The following ALK variants were observed in gnomAD, a reference collection of about 807,000 sequenced individuals.
The protein encoded by ALK is ALK receptor tyrosine kinase.
Under a neutral mutation model 163.1 loss-of-function variants are expected in ALK, and 74 were observed. The ratio of observed to expected loss-of-function variants is 0.45; its 90% CI spans 0.38 to 0.55. ALK has a LOEUF of 0.55. Ranked by LOEUF, ALK falls within the 20% of genes least tolerant of loss-of-function variation. The pLI is 0.00. For missense variants in ALK, 2,063 were observed against 2,105.3 expected (o/e 0.98, Z 0.39); for synonymous variants, 960 against 843.2 (o/e 1.14, Z -2.40).
intron 1 of ALK, among the ~76,000 whole-genome samples, chr2:29,889,026 T>C (rs1031823742): frequency 1.1e-4 from 16 of 152,186 alleles, no homozygotes; most frequent in African/African-American, 3.9e-4. Context: ...TGTGGGAGCA[T>C]CTCTGTCTCC....
chr2:29,829,596 T>C (rs1442644454), intron 1 of ALK, among the ~76,000 whole-genome samples: 3 of 152,364 alleles, frequency 2.0e-5, no homozygotes, highest in East Asian at 1.9e-4. Flanking sequence ...AATCAGACTA[T>C]AGGTCTGCAT....
intron 3 of ALK, among the ~76,000 whole-genome samples, chr2:29,601,242 G>T (rs1290066830): frequency 6.6e-6 from 1 of 152,142 alleles, no homozygotes; most frequent in Admixed American, 6.5e-5. Flanking sequence ...CCCTAGACAG[G>T]TTCTAATACT....
At chr2:29,317,572 C>T (rs969420025) in intron 8 of ALK, among the ~76,000 whole-genome samples, 1 of 152,210 alleles carries the variant, frequency 6.6e-6, no homozygotes, top group East Asian at 1.9e-4. Flanking sequence ...TCTATTTAAT[C>T]CTCACTCTTC....
At chr2:29,341,499 T>C (rs1667790130) in intron 5 of ALK, among the ~76,000 whole-genome samples, 1 of 152,208 alleles carries the variant, frequency 6.6e-6, no homozygotes, top group Non-Finnish European at 1.5e-5. Context: ...CCTGTAGTAT[T>C]AGCTACTTGG....
intron 6 of ALK, among the ~76,000 whole-genome samples, chr2:29,322,679 C>T (rs1452919437): frequency 6.6e-6 from 1 of 152,154 alleles, no homozygotes; most frequent in Non-Finnish European, 1.5e-5. Flanking sequence ...ACTAAAAATA[C>T]AGAAATTAGC....
intron 1 of ALK, among the ~76,000 whole-genome samples, chr2:29,724,537 C>A (rs1679512809): frequency 6.6e-6 from 1 of 152,110 alleles, no homozygotes; most frequent in Admixed American, 6.5e-5. Context: ...TACATGACTC[C>A]TAGAGTTAGC....
intron 3 of ALK, among the ~76,000 whole-genome samples, chr2:29,660,075 C>A (rs550686226): frequency 6.6e-6 from 1 of 152,292 alleles, no homozygotes; most frequent in South Asian, 2.1e-4. Flanking sequence ...TGGAAGGAAG[C>A]CTTGTCCTTT....
intron 4 of ALK, among the ~76,000 whole-genome samples, chr2:29,493,905 TGAA>T (rs534128020): frequency 7.2e-5 from 11 of 152,210 alleles, no homozygotes; most frequent in African/African-American, 1.9e-4. Context: ...TCAAGCACAA[TGAA>T]GGAGAAGGCT....
chr2:29,630,456 G>C (rs962256034), intron 3 of ALK, among the ~76,000 whole-genome samples: 1 of 152,014 alleles, frequency 6.6e-6, no homozygotes, highest in African/African-American at 2.4e-5. Flanking sequence ...TGGTAGCCTA[G>C]GGACTTTTGA....
intron 1 of ALK, among the ~76,000 whole-genome samples, chr2:29,917,702 A>C (rs1667869677): frequency 6.6e-6 from 1 of 152,230 alleles, no homozygotes; most frequent in African/African-American, 2.4e-5. Context: ...GGCTGTTCCA[A>C]GTATGATCAC....
intron 1 of ALK, among the ~76,000 whole-genome samples, chr2:29,750,101 G>A (rs1325495764): frequency 6.6e-6 from 1 of 152,244 alleles, no homozygotes; most frequent in Admixed American, 6.5e-5. Flanking sequence ...GGGCATGATT[G>A]CATGGGACTC....
intron 8 of ALK, among the ~76,000 whole-genome samples, chr2:29,300,769 C>T (rs1352650168): frequency 6.6e-6 from 1 of 152,098 alleles, no homozygotes; most frequent in Non-Finnish European, 1.5e-5. Context: ...CCCTGAAATC[C>T]TTTCTGTGTC....
chr2:29,226,913 C>A lies in ALK; in HGVS notation c.3067+9G>T, dbSNP rs1664016363. 3 of 1,614,066 alleles carry A rather than the reference C, an allele frequency of 1.9e-6. No individual in the cohort carries two copies. The highest frequency in any genetic ancestry group is 2.5e-6 in the Non-Finnish European group (3 of 1,180,036). On this transcript the variant is annotated intron_variant, in intron 18 of 28. Coordinates refer to ENST00000389048, the MANE Select transcript of ALK (RefSeq NM_004304.5). The stretch of plus-strand genomic sequence containing the variant: ...GGCCCCTCTGCCTCCCCTGGCCCTG[C>A]CCCCTTACCAATGCAGGAGACGCCA...
chr2:29,492,346 C>T (rs12465577), intron 4 of ALK, among the ~76,000 whole-genome samples: 99,352 of 151,984 alleles, frequency 0.65, 33,666 homozygotes, highest in South Asian at 0.78. Context: ...GAGCTAGCCA[C>T]TGGGGATGCA....
At chr2:29,885,899 CA>C (rs1229087893) in intron 1 of ALK, among the ~76,000 whole-genome samples, 1 of 152,072 alleles carries the variant, frequency 6.6e-6, no homozygotes, top group Non-Finnish European at 1.5e-5. Context: ...AATGAGAAAG[CA>C]AAAAAGTCAG....
chr2:29,197,449 C>T lies in ALK; in HGVS notation c.4073+93G>A, dbSNP rs3738870. On this transcript the variant is annotated intron_variant, in intron 27 of 28. Coordinates refer to ENST00000389048, the MANE Select transcript of ALK (RefSeq NM_004304.5). ...ATTAAAGGGAGGGCAGCCATCTGCC[C>T]CTTCATCTTAAAGAAGCATATGTGG... 0.27 allele frequency: 418,575 copies of T among 1,575,638 alleles called. 66,081 individuals carry two copies. The highest frequency in any genetic ancestry group is 0.73 in the East Asian group (32,193 of 44,344).
At chr2:29,759,909 T>C (rs1416257254) in intron 1 of ALK, among the ~76,000 whole-genome samples, 1 of 152,180 alleles carries the variant, frequency 6.6e-6, no homozygotes, top group East Asian at 1.9e-4. Context: ...AAAACATAAT[T>C]ACTCAACAAT....
intron 23 of ALK, among the ~76,000 whole-genome samples, chr2:29,216,600 GTCTGGTGTGTACGTGTC>G (rs923058554): frequency 6.6e-6 from 1 of 152,102 alleles, no homozygotes; most frequent in Non-Finnish European, 1.5e-5. Context: ...TATGGGGGGT[GTCTGGTGTGTACGTGTC>G]TGTGGTGTGC....
At chr2:29,637,918 A>G (rs907711827) in intron 3 of ALK, among the ~76,000 whole-genome samples, 1 of 152,148 alleles carries the variant, frequency 6.6e-6, no homozygotes, top group African/African-American at 2.4e-5. Context: ...TAATTAAAAC[A>G]TATATAGTTG....
Sources: allele counts gnomAD v4.1 joint callset (sites outside exome capture counted in the v4.1 genomes callset), GRCh38; gene constraint gnomAD v4.1.1; transcripts MANE v1.5; gene names NCBI Gene and HGNC (gene_info 2026-07-23, HGNC 2026-07-21).